CLCNKA: variants seen among roughly 807,000 people sequenced by gnomAD.
CLCNKA encodes chloride channel protein ClC-Ka.
Under a neutral mutation model 83.3 loss-of-function variants are expected in CLCNKA, and 66 were observed. The observed-to-expected ratio is 0.79, with a 90% CI of 0.65 to 0.97. The LOEUF (loss-of-function observed/expected upper bound fraction) is 0.97. Ranked by LOEUF, CLCNKA falls within the 50% of genes least tolerant of loss-of-function variation. The pLI is 0.00. For missense variants in CLCNKA, 806 were observed against 888.7 expected (o/e 0.91, Z 1.18); for synonymous variants, 357 against 370.4 (o/e 0.96, Z 0.42).
At position 16,031,958 on chromosome 1, in the gene CLCNKA, G is replaced by A. The variant is rs140687662; in HGVS notation, c.1756+115G>A. On this transcript the variant is annotated intron_variant, in intron 16 of 19. Coordinates refer to ENST00000331433, the MANE Select transcript of CLCNKA (RefSeq NM_004070.4). ...AGGCTCTGTGACTTAGCAACCAACC[G>A]TGTGACCTTGAGCAAGTCACTTCAC... The A allele has an allele frequency of 4.8e-4, 742 of 1,553,338 alleles. 1 individual carries two copies. The African/African-American group carries it at 6.9e-3, about 14-fold the overall frequency.
chr1:16,026,873 G>A, intron 7 of CLCNKA, 98 bp downstream of exon 7: 1 of 1,495,222 alleles, frequency 6.7e-7, no homozygotes, highest in Admixed American at 1.7e-5. Context: ...AGGAGGGGAT[G>A]GGGCTCATTC....
Position 16,026,715 on chromosome 1 carries a change from G to A in CLCNKA, c.595G>A (p.Glu199Lys), listed in dbSNP as rs755985942. 5 of 1,613,798 alleles carry A rather than the reference G, an allele frequency of 3.1e-6. No individual in the cohort carries two copies. The South Asian group carries it at 5.5e-5, about 18-fold the overall frequency. The change falls in exon 7 of 20, where the codon GAA becomes AAA. Residue 199 changes from glutamate to lysine, a missense_variant. By Grantham distance (56) the Glu-to-Lys change is moderately conservative. Transcript: ENST00000331433. ...CCCCCAGAACAAGAGCAAGCAAAACGAAATGCTGGTGGCAGCGGCGGCAGT... is the reference window on the plus strand; with the variant it reads ...CCCCCAGAACAAGAGCAAGCAAAACAAAATGCTGGTGGCAGCGGCGGCAGT... ...GEPENKSKQN[E>K]MLVAAAAVGV...
chr1:16,025,232 C>G (rs2022302320), intron 4 of CLCNKA, among the ~76,000 whole-genome samples: 1 of 152,214 alleles, frequency 6.6e-6, no homozygotes, highest in Non-Finnish European at 1.5e-5. Flanking sequence ...CAGTGGTGGC[C>G]TGAGGTTCTG....
intron 19 of CLCNKA, 43 bp downstream of exon 19, chr1:16,033,299 CTGAGAAGGCT>C (rs1335132309): frequency 6.2e-7 from 1 of 1,600,920 alleles, no homozygotes; most frequent in African/African-American, 1.3e-5. Flanking sequence ...GGACCCATGC[CTGAGAAGGCT>C]GGGGAGATGG....
At chr1:16,025,987 C>T (rs1215619898) in intron 4 of CLCNKA, 121 bp from the exon 5 acceptor site, 1 of 1,330,944 alleles carries the variant, frequency 7.5e-7, no homozygotes, top group African/African-American at 1.4e-5. Context: ...AACTCCTGAC[C>T]TCGCGATCCG....
intron 2 of CLCNKA, 112 bp from the exon 3 acceptor site, chr1:16,023,688 C>T: frequency 7.4e-7 from 1 of 1,346,948 alleles, no homozygotes; most frequent in Non-Finnish European, 1.0e-6. Context: ...CAGGACTACC[C>T]CAGACTCAAC....
At position 16,027,811 on chromosome 1, in the gene CLCNKA, C is replaced by A. The variant is rs1263802007; in HGVS notation, c.782-10C>A. On this transcript the variant is annotated splice_polypyrimidine_tract_variant and intron_variant, in intron 8 of 19. Transcript: ENST00000331433. ...CGCCATCTTGGCTCCCCACTGCCCT[C>A]CTTCCCCAGAGACCATCACCTCCCT... is the stretch of plus-strand genomic sequence containing the variant. 16 of 1,607,210 alleles carry A rather than the reference C, an allele frequency of 1.0e-5. No individual in the cohort carries two copies. Among genetic ancestry groups the A allele is most frequent in the Non-Finnish European group, 1.3e-5 (15 of 1,176,352 alleles).
In CLCNKA at chr1:16,031,802, C is replaced by T. The variant is rs151180848; in HGVS notation, c.1715C>T (p.Thr572Ile). 118 of 1,613,836 alleles carry T rather than the reference C, an allele frequency of 7.3e-5. No homozygotes were observed. The highest frequency in any genetic ancestry group is 9.4e-5 in the Non-Finnish European group (111 of 1,180,038). Residue 572 changes from threonine to isoleucine, a missense_variant, in exon 16 of 20, where the codon ACC becomes ATC. Coordinates refer to ENST00000331433, the MANE Select transcript of CLCNKA (RefSeq NM_004070.4). Reference protein sequence around the residue: ...TPLEEVVKVVTSTDVTEYPLV... With the variant: ...TPLEEVVKVVISTDVTEYPLV... The stretch of plus-strand genomic sequence containing the variant: ...CTGGAGGAGGTGGTCAAGGTTGTGA[C>T]CTCCACAGACGTGACCGAGTATCCC...
chr1:16,029,708 C>T (rs769319638), intron 12 of CLCNKA, 23 bp from the exon 13 acceptor site: 3 of 1,613,920 alleles, frequency 1.9e-6, no homozygotes, highest in African/African-American at 1.3e-5. Context: ...CTAACCTCTG[C>T]CCTGGGCTCC....
Position 16,029,110 on chromosome 1 carries a change from A to G in CLCNKA, c.1054-16A>G. On this transcript the variant is annotated splice_polypyrimidine_tract_variant and intron_variant, in intron 11 of 19. Transcript: ENST00000331433. Reference sequence around the variant, plus strand: ...GGGGGGCCCCTCATGTCCAGTTCCCACCTGCCCCGCCACAGCTGTCCATGA... The same window carrying G: ...GGGGGGCCCCTCATGTCCAGTTCCCGCCTGCCCCGCCACAGCTGTCCATGA... 6.2e-7 allele frequency: 1 copy of G among 1,606,204 alleles called. No individual in the cohort carries two copies. Among genetic ancestry groups the G allele is most frequent in the Non-Finnish European group, 8.5e-7 (1 of 1,177,668 alleles).
In CLCNKA at chr1:16,033,253, G is replaced by T. The variant is rs752455936; in HGVS notation, c.2013G>T (p.Val671=). The change falls in exon 19 of 20, where the codon GTG becomes GTT. Residue 671 remains valine, a synonymous_variant. Transcript: ENST00000331433. ...GAGCTGTGGGCTGCGTGTCCTGGGTGGAGGTACCAGGGTCCCGGGGGCAGA... is the reference window on the plus strand; with the variant it reads ...GAGCTGTGGGCTGCGTGTCCTGGGTTGAGGTACCAGGGTCCCGGGGGCAGA... ...RGRAVGCVSW[V]EMKKAISNLT... 40 of 1,614,052 alleles carry T rather than the reference G, an allele frequency of 2.5e-5. No individual in the cohort carries two copies. Among genetic ancestry groups the T allele is most frequent in the Non-Finnish European group, 3.3e-5 (39 of 1,179,960 alleles).
chr1:16,023,722 G>A, intron 2 of CLCNKA, 78 bp from the exon 3 acceptor site: 1 of 1,579,870 alleles, frequency 6.3e-7, no homozygotes, highest in Non-Finnish European at 8.7e-7. Flanking sequence ...CCTGCCTGGA[G>A]CCAAGCAGAC....
chr1:16,024,834 G>A lies in CLCNKA; in HGVS notation c.301G>A (p.Val101Met), dbSNP rs1249025125. ...GTATCTTTCCTGGACTGTGTACCCT[G>A]TGGCCCTCGTCTCTTTCTCCTCAGG... ...LRYLSWTVYP[V>M]ALVSFSSGFS... Residue 101 changes from valine to methionine, a missense_variant, in exon 4 of 20, where the codon GTG becomes ATG. Coordinates refer to ENST00000331433, the MANE Select transcript of CLCNKA (RefSeq NM_004070.4). 1.2e-6 allele frequency: 2 copies of A among 1,614,062 alleles called. No individual in the cohort carries two copies. The highest frequency in any genetic ancestry group is 1.7e-6 in the Non-Finnish European group (2 of 1,180,038).
intron 4 of CLCNKA, among the ~76,000 whole-genome samples, chr1:16,025,701 AATC>A (rs1387180384): frequency 4.6e-5 from 7 of 152,166 alleles, no homozygotes; most frequent in African/African-American, 1.7e-4. Flanking sequence ...GAAAAAAAAA[AATC>A]ATAATGTGAA....
chr1:16,031,662 T>C lies in CLCNKA; in HGVS notation c.1623-48T>C, dbSNP rs773433056. On this transcript the variant is annotated intron_variant, in intron 15 of 19. Transcript: ENST00000331433. ...CCTCAGATCCCCTTGCTGGCCTGGGTCTGACATCCCCGACTCCGGGACCTG... is the reference window on the plus strand; with the variant it reads ...CCTCAGATCCCCTTGCTGGCCTGGGCCTGACATCCCCGACTCCGGGACCTG... 1.1e-5 allele frequency: 18 copies of C among 1,613,062 alleles called. No homozygotes were observed. The South Asian group carries it at 1.3e-4, about 12-fold the overall frequency.
intron 17 of CLCNKA, 21 bp downstream of exon 17, chr1:16,032,312 TGGGGATGGGGCGGGGGTGGGTCAGC>T: frequency 3.1e-6 from 1 of 318,908 alleles, no homozygotes; most frequent in Non-Finnish European, 6.2e-6. Context: ...CTGAGGGGCG[TGGGGATGGGGCGGGGGTGGGTCAGC>T]AGGGATGGGA....
Position 16,029,233 on chromosome 1 carries a change from T to G in CLCNKA, c.1161T>G (p.Leu387=), listed in dbSNP as rs58150371. The G allele has an allele frequency of 5.6e-3, 8,954 of 1,613,010 alleles. 75 individuals carry two copies. The highest frequency in any genetic ancestry group is 0.031 in the African/African-American group (2,320 of 74,732). The change falls in exon 12 of 20, where the codon CTT becomes CTG. Residue 387 remains leucine, a synonymous_variant. Transcript: ENST00000331433. The part of the protein sequence containing the change: ...PWPEELDPQH[L]WWEWYHPRFT... Reference sequence around the variant, plus strand: ...CCGAGGAGCTCGACCCCCAGCACCTTTGGTGGGAATGGTACCACCCGCGGT... The same window carrying G: ...CCGAGGAGCTCGACCCCCAGCACCTGTGGTGGGAATGGTACCACCCGCGGT...
chr1:16,028,049 C>T lies in CLCNKA; in HGVS notation c.898C>T (p.Leu300Phe). The change falls in exon 10 of 20, where the codon CTC becomes TTC. Residue 300 changes from leucine to phenylalanine, a missense_variant. Leu to Phe is a conservative substitution (Grantham distance 22). Coordinates refer to ENST00000331433, the MANE Select transcript of CLCNKA (RefSeq NM_004070.4). ...CTGCGGCGTCCTGAGCTGTGCTTACCTCTTCTGTCAGCGAACCTTCCTCAG... is the reference window on the plus strand; with the variant it reads ...CTGCGGCGTCCTGAGCTGTGCTTACTTCTTCTGTCAGCGAACCTTCCTCAG... ...GICGVLSCAY[L>F]FCQRTFLSFI... is the part of the protein sequence containing the mutation. 1 of 1,613,564 alleles carries T rather than the reference C, an allele frequency of 6.2e-7. No individual in the cohort carries two copies. Among genetic ancestry groups the T allele is most frequent in the Non-Finnish European group, 8.5e-7 (1 of 1,179,578 alleles).
At chr1:16,026,644 T>A (rs781250795) in intron 6 of CLCNKA, 31 bp downstream of exon 6, 33 of 1,613,238 alleles carry the variant, frequency 2.0e-5, no homozygotes, top group Non-Finnish European at 2.8e-5. Flanking sequence ...CTTGGAGAAA[T>A]GGGAGTGGGG....
Sources: gnomAD v4.1 joint callset for allele counts (sites outside exome capture counted in the v4.1 genomes callset) on GRCh38, gnomAD v4.1.1 for gene constraint, MANE v1.5 for transcripts, NCBI Gene and HGNC (gene_info 2026-07-23, HGNC 2026-07-21) for gene names.